The following OTUD7A variants were observed in gnomAD, a reference collection of about 807,000 sequenced individuals.
OTUD7A encodes OTU deubiquitinase 7A.
OTUD7A carries 12 observed loss-of-function variants against 65.7 expected under a neutral mutation model. The ratio of observed to expected loss-of-function variants is 0.18; its 90% CI spans 0.12 to 0.30. The LOEUF is 0.30. OTUD7A is among the 10% of genes least tolerant of loss of function. The probability of loss-of-function intolerance (pLI) is 1.00; values close to 1 mark genes in which losing one functional copy is unlikely to be tolerated. For missense variants in OTUD7A, 1,148 were observed against 1,304.8 expected (o/e 0.88, Z 1.85); for synonymous variants, 641 against 586.3 (o/e 1.09, Z -1.35).
At chr15:31,627,204 AG>A (rs1368610175) in intron 3 of OTUD7A, among the ~76,000 whole-genome samples, 1 of 151,370 alleles carries the variant, frequency 6.6e-6, no homozygotes, top group Non-Finnish European at 1.5e-5. Context: ...CTCGTCATTT[AG>A]CATTAGGTAT....
intron 1 of OTUD7A, among the ~76,000 whole-genome samples, chr15:31,860,622 G>GATAAATATACATATATATATATATAT (rs59869625): frequency 0.017 from 467 of 26,796 alleles, 44 homozygotes; most frequent in Middle Eastern, 0.032. Flanking sequence ...CAGAAGTGGA[G>GATAAATATACATATATATATATATAT]ATATATATAT....
chr15:31,632,328 G>A (rs546583292), intron 3 of OTUD7A, among the ~76,000 whole-genome samples: 5 of 152,228 alleles, frequency 3.3e-5, no homozygotes, highest in Non-Finnish European at 5.9e-5. Context: ...TCAGCTGCAG[G>A]TCTGTTGGAG....
chr15:31,728,164 G>A (rs1410352127), intron 1 of OTUD7A, among the ~76,000 whole-genome samples: 1 of 152,142 alleles, frequency 6.6e-6, no homozygotes, highest in Non-Finnish European at 1.5e-5. Flanking sequence ...CAATTTTCCT[G>A]AGTTTAGTAA....
intron 1 of OTUD7A, among the ~76,000 whole-genome samples, chr15:31,696,813 G>A (rs1333227291): frequency 6.6e-4 from 99 of 150,372 alleles, no homozygotes; most frequent in African/African-American, 2.2e-3. Flanking sequence ...AGCCTTTCAG[G>A]GCAAATGCAG....
intron 1 of OTUD7A, among the ~76,000 whole-genome samples, chr15:31,677,542 G>A (rs2141301836): frequency 6.6e-6 from 1 of 152,222 alleles, no homozygotes; most frequent in South Asian, 2.1e-4. Flanking sequence ...CTGTTCTCAT[G>A]ATAATGAGTG....
At chr15:31,635,761 A>G (rs1476191417) in intron 3 of OTUD7A, among the ~76,000 whole-genome samples, 1 of 152,206 alleles carries the variant, frequency 6.6e-6, no homozygotes, top group African/African-American at 2.4e-5. Context: ...AGATCTGAAA[A>G]CTGTCTTGTT....
chr15:31,848,451 T>TAAA (rs1364483768), intron 1 of OTUD7A, among the ~76,000 whole-genome samples: 9 of 150,908 alleles, frequency 6.0e-5, no homozygotes, highest in African/African-American at 2.2e-4. Context: ...TTTTTATTTT[T>TAAA]AAAAAAAAAC....
chr15:31,799,010 G>C (rs959169692), intron 1 of OTUD7A, among the ~76,000 whole-genome samples: 2 of 152,206 alleles, frequency 1.3e-5, no homozygotes, highest in African/African-American at 4.8e-5. Flanking sequence ...CCAGGGTGGA[G>C]AGGGCCCCAC....
At chr15:31,860,646 T>TGTGTATATATAG (rs1897700255) in intron 1 of OTUD7A, among the ~76,000 whole-genome samples, 1 of 113,896 alleles carries the variant, frequency 8.8e-6, no homozygotes, top group African/African-American at 3.1e-5. Flanking sequence ...TATATATATG[T>TGTGTATATATAG]ATGTATGTGT....
At chr15:31,798,849 C>T (rs1476492474) in intron 1 of OTUD7A, among the ~76,000 whole-genome samples, 1 of 152,208 alleles carries the variant, frequency 6.6e-6, no homozygotes, top group African/African-American at 2.4e-5. Flanking sequence ...AGCTCTGTGC[C>T]TAGGGAACCC....
At chr15:31,626,007 G>T (rs1890939441) in intron 3 of OTUD7A, among the ~76,000 whole-genome samples, 1 of 151,944 alleles carries the variant, frequency 6.6e-6, no homozygotes, top group Non-Finnish European at 1.5e-5. Flanking sequence ...GAGAACAATG[G>T]TTGCTGAGGG....
At position 31,475,698 on chromosome 15, in the gene OTUD7A, G is replaced by A. The variant is rs1413567216; in HGVS notation, c.*7596C>T. 1 of 152,180 alleles carries A rather than the reference G, an allele frequency of 6.6e-6. No individual in the cohort carries two copies. The highest frequency in any genetic ancestry group is 1.9e-4 in the East Asian group (1 of 5,198). 9.4% of individuals were successfully genotyped at this position (152,180 alleles called of 1,614,324 possible). On this transcript the variant is annotated 3_prime_UTR_variant, in exon 13 of 13. Transcript: ENST00000307050. ...ACAATGGGTTTCTTCTCCAAGAATG[G>A]ACCGGATTGAAAAGGATATTTGCAT... is the stretch of plus-strand genomic sequence containing the variant.
intron 3 of OTUD7A, among the ~76,000 whole-genome samples, chr15:31,578,032 A>G (rs1241899328): frequency 6.6e-6 from 1 of 152,168 alleles, no homozygotes; most frequent in Admixed American, 6.5e-5. Flanking sequence ...ATGGAACATA[A>G]TAGTGTAAAC....
chr15:31,762,550 C>T (rs149543076), intron 1 of OTUD7A, among the ~76,000 whole-genome samples: 30 of 152,334 alleles, frequency 2.0e-4, no homozygotes, highest in African/African-American at 6.7e-4. Context: ...ACGAATCTAA[C>T]CCTAAACAGT....
rs1028740722 is a variant in OTUD7A, at chr15:31,527,127, C to G, written c.780+54G>C. 3.1e-6 allele frequency: 5 copies of G among 1,608,052 alleles called. No homozygotes were observed. In the Admixed American group the frequency reaches 8.4e-5, roughly 27 times the overall value. The stretch of plus-strand genomic sequence containing the variant: ...CCATGCTGTGGACTCGACCACGGCC[C>G]GAGGCTGCATCTGGCCTGGGTCCCG... On this transcript the variant is annotated intron_variant, in intron 7 of 12. Coordinates refer to ENST00000307050, the MANE Select transcript of OTUD7A (RefSeq NM_001382637.1).
chr15:31,627,737 T>A (rs1439259882), intron 3 of OTUD7A, among the ~76,000 whole-genome samples: 1 of 152,200 alleles, frequency 6.6e-6, no homozygotes, highest in Non-Finnish European at 1.5e-5. Context: ...CTTTTCCACA[T>A]CCTCTCCAGC....
chr15:31,484,232 T>C lies in OTUD7A; in HGVS notation c.1864A>G (p.Ser622Gly). 1.2e-6 allele frequency: 2 copies of C among 1,604,940 alleles called. No homozygotes were observed. Among genetic ancestry groups the C allele is most frequent in the Non-Finnish European group, 1.7e-6 (2 of 1,177,274 alleles). ...TTGAGGCTCAGCTTCACATCCGTGC[T>C]GTACTTCCAGGCGTCGCCCCGCGGC... ...GGPRGDAWKY[S>G]TDVKLSLNIL... Residue 622 changes from serine to glycine, a missense_variant, in exon 13 of 13, where the codon AGC becomes GGC. By Grantham distance (56) the Ser-to-Gly change is moderately conservative. This residue lies in a region of OTUD7A where 842 missense variants were observed against 769.5 expected (regional missense o/e 1.09). Transcript: ENST00000307050. The surrounding 1 kb of genome is among the most constrained non-coding windows in gnomAD (Gnocchi z 4.5).
intron 1 of OTUD7A, among the ~76,000 whole-genome samples, chr15:31,677,276 A>C (rs34087716): frequency 0.077 from 11,673 of 152,042 alleles, 1,035 homozygotes; most frequent in African/African-American, 0.23. Flanking sequence ...GGTCTCTATC[A>C]GGCTGGCACA....
chr15:31,630,673 C>T (rs1302393099), intron 3 of OTUD7A, among the ~76,000 whole-genome samples: 2 of 151,948 alleles, frequency 1.3e-5, no homozygotes, highest in Non-Finnish European at 2.9e-5. Flanking sequence ...ATCTGTCTAA[C>T]ATTGACAGTG....
Sources: gnomAD v4.1 joint callset for allele counts (sites outside exome capture counted in the v4.1 genomes callset) on GRCh38, gnomAD v4.1.1 for gene constraint, gnomAD v4.1.1 regional missense constraint, Gnocchi (gnomAD v3.1) non-coding constraint, MANE v1.5 for transcripts, NCBI Gene and HGNC (gene_info 2026-07-23, HGNC 2026-07-21) for gene names.